The following RASAL2 variants were observed in gnomAD, a reference collection of about 807,000 sequenced individuals.
RASAL2 encodes the protein ras GTPase-activating protein nGAP.
In RASAL2, 58 loss-of-function variants were observed where a neutral mutation model predicts 128.9. The ratio of observed to expected loss-of-function variants is 0.45; its 90% CI spans 0.36 to 0.56. The LOEUF (loss-of-function observed/expected upper bound fraction) is 0.56, where lower values mean the gene tolerates loss of function less well. Ranked by LOEUF, RASAL2 falls within the 20% of genes least tolerant of loss-of-function variation. The probability of loss-of-function intolerance (pLI) is 0.00; values close to 1 mark genes in which losing one functional copy is unlikely to be tolerated. For missense variants in RASAL2, 1,360 were observed against 1,601.6 expected, an observed-to-expected ratio of 0.85 and a Z score of 2.57; for synonymous variants, 561 against 580.8, an observed-to-expected ratio of 0.97 and a Z score of 0.49.
chr1:178,268,315 A>G (rs1357763135), intron 1 of RASAL2, among the ~76,000 whole-genome samples: 1 of 152,090 alleles, frequency 6.6e-6, no homozygotes, highest in Non-Finnish European at 1.5e-5. Context: ...TAAAAATACA[A>G]AAATTAGTTG....
intron 1 of RASAL2, among the ~76,000 whole-genome samples, chr1:178,162,393 T>A (rs1238640770): frequency 7.8e-5 from 9 of 115,574 alleles, no homozygotes; most frequent in Admixed American, 2.3e-4. Flanking sequence ...ATATTATATA[T>A]ATTATATATT....
chr1:178,310,471 T>TA lies in RASAL2; in HGVS notation c.457+10362dup, dbSNP rs928999605. 5.7e-3 allele frequency among the ~76,000 whole-genome samples: 866 copies of TA among 151,604 alleles called. 11 individuals carry two copies. Among genetic ancestry groups the TA allele is most frequent in the African/African-American group, 0.02 (807 of 41,372 alleles). On this transcript the variant is annotated intron_variant, in intron 3 of 17. Transcript: ENST00000367649. ...GGTCTCAAAACTGACATGAATAAAATAAAAAAAAACTAGTACTTAAGTTCT... is the reference window on the plus strand; with the variant it reads ...GGTCTCAAAACTGACATGAATAAAATAAAAAAAAAACTAGTACTTAAGTTCT...
At chr1:178,110,701 C>G (rs188969981) in intron 1 of RASAL2, among the ~76,000 whole-genome samples, 256 of 146,870 alleles carry the variant, frequency 1.7e-3, no homozygotes, top group Non-Finnish European at 3.1e-3. Context: ...TATTCTCATG[C>G]CTCAGCCTCC....
intron 1 of RASAL2, among the ~76,000 whole-genome samples, chr1:178,111,075 T>G (rs1051452704): frequency 6.6e-5 from 10 of 152,208 alleles, no homozygotes; most frequent in African/African-American, 2.4e-4. Context: ...TTTCAGCATA[T>G]TTTGAGATTC....
In RASAL2 at chr1:178,442,530, A is replaced by G. The variant is rs1676724005; in HGVS notation, c.928-145A>G. 1.3e-5 allele frequency: 8 copies of G among 615,114 alleles called. No homozygotes were observed. The South Asian group carries it at 2.1e-4, about 16-fold the overall frequency. The allele number at this position is 615,114 out of a possible 1,614,324, so 38.1% of individuals were successfully genotyped here. ...GCATGCTTGTTTAGAGCTTGCTGTT[A>G]ACCTAAGCAATGAGATAGCAATCCC... is the stretch of plus-strand genomic sequence containing the variant. On this transcript the variant is annotated intron_variant, in intron 7 of 17. Transcript: ENST00000367649.
At chr1:178,138,195 G>T (rs1436682009) in intron 1 of RASAL2, among the ~76,000 whole-genome samples, 2 of 152,106 alleles carry the variant, frequency 1.3e-5, no homozygotes, top group African/African-American at 4.8e-5. Flanking sequence ...TTATTTGACT[G>T]CACAGGGAGA....
chr1:178,189,365 A>G (rs1443823689), intron 1 of RASAL2, among the ~76,000 whole-genome samples: 5 of 152,214 alleles, frequency 3.3e-5, no homozygotes, highest in Non-Finnish European at 7.4e-5. Context: ...ACATCTGTCT[A>G]TCCTTGAATA....
chr1:178,411,960 C>G, intron 4 of RASAL2: 1 of 603,474 alleles, frequency 1.7e-6, no homozygotes, highest in South Asian at 1.9e-5. Context: ...CATCACCCCC[C>G]ATCCCCTCTT....
chr1:178,349,546 C>G (rs1420751431), intron 3 of RASAL2, among the ~76,000 whole-genome samples: 1 of 151,990 alleles, frequency 6.6e-6, no homozygotes, highest in East Asian at 1.9e-4. Flanking sequence ...ATCCTCAAAA[C>G]AAAATTTCAT....
intron 1 of RASAL2, among the ~76,000 whole-genome samples, chr1:178,191,411 A>G (rs904539489): frequency 1.3e-5 from 2 of 152,144 alleles, no homozygotes; most frequent in Admixed American, 1.3e-4. Flanking sequence ...CAGACATAAT[A>G]TTACTGTCAA....
intron 1 of RASAL2, among the ~76,000 whole-genome samples, chr1:178,166,942 AG>A (rs1661537192): frequency 6.6e-6 from 1 of 152,114 alleles, no homozygotes; most frequent in Non-Finnish European, 1.5e-5. Flanking sequence ...ATCAATTATT[AG>A]GAGTCATTTT....
At chr1:178,221,759 G>A (rs1263635220) in intron 1 of RASAL2, among the ~76,000 whole-genome samples, 1 of 152,166 alleles carries the variant, frequency 6.6e-6, no homozygotes, top group Non-Finnish European at 1.5e-5. Flanking sequence ...GTCTGTAGAT[G>A]TCAGGTATAT....
intron 6 of RASAL2, 147 bp downstream of exon 6, chr1:178,439,722 G>C: frequency 1.3e-6 from 1 of 749,260 alleles, no homozygotes. Context: ...CAGAGAAAAA[G>C]TTAGAAATCT....
At chr1:178,447,002 A>C (rs1677045847) in intron 9 of RASAL2, among the ~76,000 whole-genome samples, 1 of 152,242 alleles carries the variant, frequency 6.6e-6, no homozygotes, top group East Asian at 1.9e-4. Context: ...ACATGAAAGA[A>C]ACATGTGAAC....
chr1:178,458,581 G>C, intron 14 of RASAL2, 37 bp downstream of exon 14: 1 of 1,538,766 alleles, frequency 6.5e-7, no homozygotes, highest in East Asian at 2.3e-5. Context: ...GCTTCTACTT[G>C]GTCCATCTGT....
At chr1:178,139,376 A>G (rs1660448729) in intron 1 of RASAL2, among the ~76,000 whole-genome samples, 1 of 152,056 alleles carries the variant, frequency 6.6e-6, no homozygotes, top group South Asian at 2.1e-4. Context: ...TTAGTGTTAT[A>G]ATTATTCATT....
In RASAL2 at chr1:178,443,115, C is replaced by T; in HGVS notation, c.1368C>T (p.Val456=). The T allele has an allele frequency of 6.2e-7, 1 of 1,613,892 alleles. No individual in the cohort carries two copies. Among genetic ancestry groups the T allele is most frequent in the Non-Finnish European group, 8.5e-7 (1 of 1,179,876 alleles). The part of the protein sequence containing the change: ...MEQYKEFAEF[V]TSNYTMLCSV... ...AATACAAAGAATTTGCAGAATTTGTCACCAGCAACTACACCATGCTGTGTT... is the reference window on the plus strand; with the variant it reads ...AATACAAAGAATTTGCAGAATTTGTTACCAGCAACTACACCATGCTGTGTT... The change falls in exon 8 of 18, where the codon GTC becomes GTT. Residue 456 remains valine (V), a synonymous_variant. Transcript: ENST00000367649.
chr1:178,390,176 C>T lies in RASAL2; in HGVS notation c.534C>T (p.Asp178=). 2.5e-6 allele frequency: 4 copies of T among 1,612,018 alleles called. No individual in the cohort carries two copies. Among genetic ancestry groups the T allele is most frequent in the Non-Finnish European group, 2.5e-6 (3 of 1,178,480 alleles). Residue 178 remains aspartate (D), a synonymous_variant, in exon 4 of 18, where the codon GAC becomes GAT. Transcript: ENST00000367649. ...CATCAGAGAAACCCAACTCCATGGA[C>T]ACTGCAAATACCTCACCCTTCAAAG... ...TSTSEKPNSM[D]TANTSPFKVP... is the part of the protein sequence containing the mutation.
intron 1 of RASAL2, among the ~76,000 whole-genome samples, chr1:178,192,190 T>G (rs1662517769): frequency 6.6e-6 from 1 of 152,182 alleles, no homozygotes; most frequent in Admixed American, 6.5e-5. Context: ...AGTTTCGTGG[T>G]ACTCTGTGCT....
Sources: allele counts gnomAD v4.1 joint callset (sites outside exome capture counted in the v4.1 genomes callset), GRCh38; gene constraint gnomAD v4.1.1; transcripts MANE v1.5; gene names NCBI Gene and HGNC (gene_info 2026-07-23, HGNC 2026-07-21).